The following HDAC10 variants were observed in gnomAD, a reference collection of about 807,000 sequenced individuals.
HDAC10 encodes histone deacetylase 10.
In HDAC10, 90 loss-of-function variants were observed where a neutral mutation model predicts 82.3. The ratio of observed to expected loss-of-function variants is 1.09; its 90% CI spans 0.92 to 1.30. HDAC10 has a LOEUF of 1.30. HDAC10 is among the 50% of genes most tolerant of loss of function. The pLI is 0.00. For synonymous variants in HDAC10, 456 were observed against 391.7 expected (o/e 1.16, Z -1.94); for missense variants, 934 against 876.3 (o/e 1.07, Z -0.83).
At position 50,248,515 on chromosome 22, in the gene HDAC10, G is replaced by A. The variant is rs778590790; in HGVS notation, c.907-43C>T. The A allele has an allele frequency of 1.3e-6, 2 of 1,564,914 alleles. No individual in the cohort carries two copies. The highest frequency in any genetic ancestry group is 1.7e-6 in the Non-Finnish European group (2 of 1,154,674). On this transcript the variant is annotated intron_variant, in intron 10 of 19. Transcript: ENST00000216271. The surrounding 1 kb of genome is among the most constrained non-coding windows in gnomAD (Gnocchi z 5.4). ...ACATGATTGGGGCAGAGATATCACT[G>A]GGATGGGATGTCACCGGGAGAGCCC...
Position 50,246,889 on chromosome 22 carries a change from G to C in HDAC10, c.1500C>G (p.Ser500=), listed in dbSNP as rs780472298. Residue 500 remains serine, a synonymous_variant, in exon 15 of 20, where the codon TCC becomes TCG. Transcript: ENST00000216271. ...TLDVAVRRGL[S]HGAQRLLCVA... is the part of the protein sequence containing the mutation. ...GTGAGGCTTACCTCTGGGCTCCGTG[G>C]GACAGGCCTCTCCGAACAGCCACAT... 47 of 1,611,996 alleles carry C rather than the reference G, an allele frequency of 2.9e-5. No individual in the cohort carries two copies. Among genetic ancestry groups the C allele is most frequent in the Non-Finnish European group, 4.0e-5 (47 of 1,179,216 alleles).
Position 50,248,854 on chromosome 22 carries a change from C to G in HDAC10, c.793G>C (p.Asp265His). 2.5e-6 allele frequency: 4 copies of G among 1,611,480 alleles called. No homozygotes were observed. Among genetic ancestry groups the G allele is most frequent in the Non-Finnish European group, 3.4e-6 (4 of 1,179,428 alleles). Residue 265 changes from aspartate to histidine, a missense_variant, in exon 9 of 20, where the codon GAC becomes CAC. Physicochemically the swap from Asp to His is moderately conservative, Grantham distance 81. Transcript: ENST00000216271. This position sits in a 1 kb window ranked among gnomAD's most constrained non-coding sequence, Gnocchi z 5.4. ...PELVLVSAGF[D>H]SAIGDPEGQM... ...ACCTCAGGGTCCCCGATGGCTGAGT[C>G]AAATCCTGCCGAGACCAGCACCAGC... is the stretch of plus-strand genomic sequence containing the variant.
rs370333932 is a variant in HDAC10 at position 50,248,864 on chromosome 22, C to T, written c.783G>A (p.Ser261=). ...CCCCGATGGCTGAGTCAAATCCTGC[C>T]GAGACCAGCACCAGCTCAGGGTCAA... ...FEFDPELVLV[S]AGFDSAIGDP... is the part of the protein sequence containing the mutation. Residue 261 remains serine, a synonymous_variant, in exon 9 of 20, where the codon TCG becomes TCA. Coordinates refer to ENST00000216271, the MANE Select transcript of HDAC10 (RefSeq NM_032019.6). The surrounding 1 kb of genome is among the most constrained non-coding windows in gnomAD (Gnocchi z 5.4). 3.4e-5 allele frequency: 55 copies of T among 1,611,498 alleles called. No individual in the cohort carries two copies. Among genetic ancestry groups the T allele is most frequent in the Non-Finnish European group, 4.7e-5 (55 of 1,179,516 alleles).
Position 50,249,621 on chromosome 22 carries a change from G to A in HDAC10, c.563+14C>T, listed in dbSNP as rs755517128. 6.8e-6 allele frequency: 11 copies of A among 1,612,456 alleles called. No homozygotes were observed. Among genetic ancestry groups the A allele is most frequent in the Middle Eastern group, 3.3e-4 (2 of 6,082 alleles). On this transcript the variant is annotated intron_variant, in intron 6 of 19. Transcript: ENST00000216271. This position sits in a 1 kb window ranked among gnomAD's most constrained non-coding sequence, Gnocchi z 4.4. The stretch of plus-strand genomic sequence containing the variant: ...GGGGCTGCAGGGAAGGGTGGTTTCC[G>A]CACCCCTGCTCACCTGGGGTCATCC...
Position 50,246,283 on chromosome 22 carries a change from G to A in HDAC10, c.1650+15C>T. 6.2e-7 allele frequency: 1 copy of A among 1,610,098 alleles called. No homozygotes were observed. The highest frequency in any genetic ancestry group is 1.3e-5 in the African/African-American group (1 of 75,020). ...CTCCCCAGCACCTGCCTTGCCGCGT[G>A]GCATGGTCACTCACCACTGGCAGTG... is the stretch of plus-strand genomic sequence containing the variant. On this transcript the variant is annotated intron_variant, in intron 17 of 19. Transcript: ENST00000216271.
chr22:50,247,014 A>G, intron 14 of HDAC10, 48 bp from the exon 15 acceptor site: 1 of 1,260,704 alleles, frequency 7.9e-7, no homozygotes, highest in Non-Finnish European at 1.1e-6. Context: ...CCAACTCCCA[A>G]GCCAGGTAAA....
chr22:50,249,443 A>T lies in HDAC10; in HGVS notation c.575T>A (p.Phe192Tyr). ...CCCATGCTCATAGCGGTGCCAGGAG[A>T]AGTAAAGGACGCTGCCAACAGCCAG... is the stretch of plus-strand genomic sequence containing the variant. ...LFEDDPSVLY[F>Y]SWHRYEHGRF... Residue 192 changes from phenylalanine (F) to tyrosine (Y), a missense_variant, in exon 7 of 20, where the codon TTC (phenylalanine) becomes TAC (tyrosine). Physicochemically the swap from Phe to Tyr is conservative, Grantham distance 22. Coordinates refer to ENST00000216271, the MANE Select transcript of HDAC10 (RefSeq NM_032019.6). The surrounding 1 kb of genome is among the most constrained non-coding windows in gnomAD (Gnocchi z 4.4). The T allele has an allele frequency of 1.9e-6, 3 of 1,612,550 alleles. No homozygotes were observed. Among genetic ancestry groups the T allele is most frequent in the Non-Finnish European group, 2.5e-6 (3 of 1,179,910 alleles).
At chr22:50,246,816 GGAT>G in intron 15 of HDAC10, 56 bp downstream of exon 15, 6 of 1,596,132 alleles carry the variant, frequency 3.8e-6, no homozygotes, top group Admixed American at 1.7e-5. Flanking sequence ...TGGCCAGCCA[GGAT>G]AGGGGTGCCC....
rs201904356 is a variant in HDAC10, at chr22:50,248,905, G to A, written c.757-15C>T. 72 of 1,608,588 alleles carry A rather than the reference G, an allele frequency of 4.5e-5. No homozygotes were observed. The East Asian group carries it at 5.1e-4, about 11-fold the overall frequency. ...TCAGGGTCAAACTACAGGCCAGGCC[G>A]GAGTGGGGAGGGTCGACAGAGAGGG... is the stretch of plus-strand genomic sequence containing the variant. On this transcript the variant is annotated splice_polypyrimidine_tract_variant and intron_variant, in intron 8 of 19. Coordinates refer to ENST00000216271, the MANE Select transcript of HDAC10 (RefSeq NM_032019.6). This position sits in a 1 kb window ranked among gnomAD's most constrained non-coding sequence, Gnocchi z 5.4.
At chr22:50,247,858 C>A (rs559454468) in intron 13 of HDAC10, 32 bp downstream of exon 13, 1 of 1,611,904 alleles carries the variant, frequency 6.2e-7, no homozygotes, top group South Asian at 1.1e-5. Flanking sequence ...TAGATGCGGC[C>A]CCATCCTTCT....
chr22:50,249,971 C>T lies in HDAC10; in HGVS notation c.390-7G>A, dbSNP rs371187834. On this transcript the variant is annotated splice_region_variant and splice_polypyrimidine_tract_variant and intron_variant, in intron 4 of 19. Coordinates refer to ENST00000216271, the MANE Select transcript of HDAC10 (RefSeq NM_032019.6). This position sits in a 1 kb window ranked among gnomAD's most constrained non-coding sequence, Gnocchi z 4.4. ...GCCATGGTGCCCGGGAGGCCTACGG[C>T]GTGAGAGTAGGATTTGGGTCACGTC... 8.1e-6 allele frequency: 13 copies of T among 1,611,698 alleles called. No homozygotes were observed. The highest frequency in any genetic ancestry group is 1.3e-5 in the African/African-American group (1 of 74,888).
chr22:50,247,144 T>A (rs1373987714), intron 14 of HDAC10, 178 bp from the exon 15 acceptor site: 2 of 497,976 alleles, frequency 4.0e-6, no homozygotes, highest in Non-Finnish European at 7.1e-6. Flanking sequence ...ATAATTTTTT[T>A]TTTTTTTTTT....
Position 50,246,093 on chromosome 22 carries a change from CTG to C in HDAC10, c.1651-3_1651-2del. 6.2e-7 allele frequency: 1 copy of C among 1,601,736 alleles called. No individual in the cohort carries two copies. Among genetic ancestry groups the C allele is most frequent in the Non-Finnish European group, 8.5e-7 (1 of 1,172,444 alleles). ...TGCAGCTCAGGAAACCACCGGTCATCTGTGGGGACAGCAGAGCCCAGCTCCTC... is the reference window on the plus strand; with the variant it reads ...TGCAGCTCAGGAAACCACCGGTCATCTGGGGACAGCAGAGCCCAGCTCCTC... On this transcript the variant is annotated splice_acceptor_variant and splice_polypyrimidine_tract_variant and intron_variant, in intron 17 of 19. Coordinates refer to ENST00000216271, the MANE Select transcript of HDAC10 (RefSeq NM_032019.6). LOFTEE classifies it high-confidence loss of function.
At chr22:50,245,637 G>A (rs1407836218) in intron 19 of HDAC10, 38 bp downstream of exon 19, 16 of 1,612,260 alleles carry the variant, frequency 9.9e-6, no homozygotes, top group Non-Finnish European at 1.4e-5. Context: ...GCAGAGCCAG[G>A]CCCCAGGGCA....
rs1269814392 is a variant in HDAC10 at position 50,249,533 on chromosome 22, C to T, written c.564-79G>A. 1.2e-6 allele frequency: 2 copies of T among 1,605,536 alleles called. No homozygotes were observed. The highest frequency in any genetic ancestry group is 1.7e-6 in the Non-Finnish European group (2 of 1,174,662). On this transcript the variant is annotated intron_variant, in intron 6 of 19. Coordinates refer to ENST00000216271, the MANE Select transcript of HDAC10 (RefSeq NM_032019.6). The surrounding 1 kb of genome is among the most constrained non-coding windows in gnomAD (Gnocchi z 4.4). ...TACAGCTCCCTGTAGAACGCTGACC[C>T]CTGAGCACATGTCTGTATCTCACCC...
intron 2 of HDAC10, 45 bp from the exon 3 acceptor site, chr22:50,250,568 A>G: frequency 1.4e-6 from 2 of 1,427,270 alleles, no homozygotes; most frequent in East Asian, 2.3e-5. Context: ...CACCAGCAGG[A>G]GCAGGGGGGC....
In HDAC10 at chr22:50,249,312, G is replaced by A. The variant is rs765600735; in HGVS notation, c.690+16C>T. ...GGAGGGGGCTGGGTGGGGACCTGGGGCTTGAGGGTGGGCACCTGGTTCCAG... is the reference window on the plus strand; with the variant it reads ...GGAGGGGGCTGGGTGGGGACCTGGGACTTGAGGGTGGGCACCTGGTTCCAG... On this transcript the variant is annotated intron_variant, in intron 7 of 19. Transcript: ENST00000216271. This position sits in a 1 kb window ranked among gnomAD's most constrained non-coding sequence, Gnocchi z 4.4. The A allele has an allele frequency of 7.6e-6, 12 of 1,582,682 alleles. No individual in the cohort carries two copies. Among genetic ancestry groups the A allele is most frequent in the Non-Finnish European group, 1.7e-6 (2 of 1,164,622 alleles).
intron 14 of HDAC10, 62 bp downstream of exon 14, chr22:50,247,630 G>T: frequency 1.6e-6 from 2 of 1,214,984 alleles, no homozygotes; most frequent in Non-Finnish European, 2.3e-6. Context: ...ACATCTCGTT[G>T]GCAGGTCCTG....
At position 50,249,794 on chromosome 22, in the gene HDAC10, C is replaced by T. The variant is rs373707914; in HGVS notation, c.494+66G>A. On this transcript the variant is annotated intron_variant, in intron 5 of 19. Coordinates refer to ENST00000216271, the MANE Select transcript of HDAC10 (RefSeq NM_032019.6). This position sits in a 1 kb window ranked among gnomAD's most constrained non-coding sequence, Gnocchi z 4.4. ...TGGGAAGGTGCTGGCTGGGTTCTCT[C>T]GCCTCCTGCGCTGCCCCTTGCTGTG... 27 of 1,599,806 alleles carry T rather than the reference C, an allele frequency of 1.7e-5. No individual in the cohort carries two copies. The South Asian group carries it at 1.8e-4, about 10-fold the overall frequency.
Sources: gnomAD v4.1 joint callset for allele counts on GRCh38, gnomAD v4.1.1 for gene constraint, Gnocchi (gnomAD v3.1) non-coding constraint, MANE v1.5 for transcripts, NCBI Gene and HGNC (gene_info 2026-07-23, HGNC 2026-07-21) for gene names.